SPECC1: variants seen among roughly 807,000 people sequenced by gnomAD.
SPECC1 encodes the protein sperm antigen with calponin homology and coiled-coil domains 1, also known as cytospin-B.
SPECC1 carries 62 observed loss-of-function variants against 104.1 expected under a neutral mutation model. That is an observed-to-expected ratio of 0.60 (90% CI 0.49 to 0.74). The LOEUF is 0.74. SPECC1 is among the 30% of genes least tolerant of loss of function. SPECC1 has a pLI of 0.00. For synonymous variants in SPECC1, 513 were observed against 501.6 expected (o/e 1.02, Z -0.30); for missense variants, 1,306 against 1,310.5 (o/e 1.00, Z 0.05).
At chr17:20,294,524 T>C (rs1312891960) in intron 12 of SPECC1, among the ~76,000 whole-genome samples, 3 of 152,186 alleles carry the variant, frequency 2.0e-5, no homozygotes. Flanking sequence ...TAAGACCTTC[T>C]CATCTTGGTC....
chr17:20,297,809 G>A (rs1024004962), intron 13 of SPECC1, among the ~76,000 whole-genome samples: 1 of 152,178 alleles, frequency 6.6e-6, no homozygotes, highest in Non-Finnish European at 1.5e-5. Flanking sequence ...ACTGTGCTGG[G>A]TCCCGCTGTT....
chr17:20,286,234 T>C (rs975742106), intron 12 of SPECC1, among the ~76,000 whole-genome samples: 3 of 152,260 alleles, frequency 2.0e-5, no homozygotes, highest in African/African-American at 7.2e-5. Flanking sequence ...CAGCTTCCAC[T>C]CAAGGATAAC....
rs370760654 is a variant in SPECC1 at position 20,235,480 on chromosome 17, G to A, written c.2351+3075G>A. On this transcript the variant is annotated intron_variant, in intron 7 of 14. Transcript: ENST00000395527. ...ACCCGTCACATCTTTTTCCTGAAAA[G>A]TTGAGTCCTGGGACCTGGCAAAAAC... Among the ~76,000 whole-genome samples, 40 of 152,314 alleles carry A rather than the reference G, an allele frequency of 2.6e-4. No individual in the cohort carries two copies. The East Asian group carries it at 5.4e-3, about 21-fold the overall frequency.
intron 3 of SPECC1, among the ~76,000 whole-genome samples, chr17:20,168,373 T>TA (rs2033828710): frequency 6.6e-6 from 1 of 152,220 alleles, no homozygotes; most frequent in Non-Finnish European, 1.5e-5. Context: ...CATCATACTG[T>TA]ATGTCAGTAA....
At position 20,034,166 on chromosome 17, in the gene SPECC1, C is replaced by T. The variant is rs139337168; in HGVS notation, c.-22+24742C>T. 9.9e-3 allele frequency among the ~76,000 whole-genome samples: 1,507 copies of T among 151,604 alleles called. 28 individuals carry two copies. The highest frequency in any genetic ancestry group is 0.034 in the African/African-American group (1,395 of 41,306). ...AGGCTGGAGTGCAGTGGCACAATCTCGGCTCACTGCAACTTCCACCTCCCA... is the reference window on the plus strand; with the variant it reads ...AGGCTGGAGTGCAGTGGCACAATCTTGGCTCACTGCAACTTCCACCTCCCA... On this transcript the variant is annotated intron_variant, in intron 1 of 14. Coordinates refer to ENST00000395527, the MANE Select transcript of SPECC1 (RefSeq NM_001243439.2).
At chr17:20,085,104 G>A (rs1298579962) in intron 1 of SPECC1, among the ~76,000 whole-genome samples, 2 of 152,216 alleles carry the variant, frequency 1.3e-5, no homozygotes, top group African/African-American at 4.8e-5. Context: ...CCTGGAGGCT[G>A]GATGATAGAA....
At chr17:20,061,320 C>T (rs2046176727) in intron 1 of SPECC1, among the ~76,000 whole-genome samples, 1 of 152,234 alleles carries the variant, frequency 6.6e-6, no homozygotes, top group Non-Finnish European at 1.5e-5. Context: ...GACCCACTCA[C>T]CTCGGCCTCC....
intron 3 of SPECC1, chr17:20,156,069 G>A: frequency 2.3e-6 from 3 of 1,319,644 alleles, no homozygotes; most frequent in Non-Finnish European, 2.9e-6. Flanking sequence ...GAAGGCGCCC[G>A]GTCCTTTCTT....
intron 3 of SPECC1, among the ~76,000 whole-genome samples, chr17:20,182,414 C>G (rs1206916795): frequency 1.3e-5 from 2 of 152,144 alleles, no homozygotes; most frequent in Non-Finnish European, 2.9e-5. Context: ...CCACGCCCAA[C>G]CTCTTCAATT....
At chr17:20,017,753 T>G (rs921812983) in intron 1 of SPECC1, 1 of 152,272 alleles carries the variant, frequency 6.6e-6, no homozygotes, top group African/African-American at 2.4e-5. Flanking sequence ...GTGTTTTTAT[T>G]TCTTGGTATA....
At chr17:20,166,861 A>C (rs2033691832) in intron 3 of SPECC1, among the ~76,000 whole-genome samples, 2 of 151,956 alleles carry the variant, frequency 1.3e-5, no homozygotes, top group Admixed American at 6.6e-5. Context: ...AAATGTCAAC[A>C]CTTTGGGAGG....
At chr17:20,089,844 G>C (rs936671681) in intron 1 of SPECC1, among the ~76,000 whole-genome samples, 2 of 152,164 alleles carry the variant, frequency 1.3e-5, no homozygotes, top group Non-Finnish European at 2.9e-5. Flanking sequence ...TGAGAAATGG[G>C]CGCCCTAGAG....
intron 3 of SPECC1, among the ~76,000 whole-genome samples, chr17:20,117,723 A>G (rs966660890): frequency 9.4e-5 from 14 of 149,446 alleles, no homozygotes; most frequent in Non-Finnish European, 1.6e-4. Flanking sequence ...AAAAAAAAAG[A>G]AAAGGAAAAA....
intron 3 of SPECC1, among the ~76,000 whole-genome samples, chr17:20,135,809 G>T (rs1343618557): frequency 6.6e-6 from 1 of 152,134 alleles, no homozygotes; most frequent in African/African-American, 2.4e-5. Flanking sequence ...CATGTGTGGG[G>T]GACCAGAAGA....
chr17:20,248,039 A>G (rs1329007459), intron 9 of SPECC1, among the ~76,000 whole-genome samples: 1 of 152,170 alleles, frequency 6.6e-6, no homozygotes, highest in South Asian at 2.1e-4. Context: ...TGCTACCAAG[A>G]TCTAGGATCA....
chr17:20,296,906 T>C, intron 12 of SPECC1, 55 bp from the exon 13 acceptor site: 1 of 1,504,836 alleles, frequency 6.6e-7, no homozygotes, highest in Non-Finnish European at 9.2e-7. Context: ...TCCTCATCTG[T>C]GATACTGCAC....
chr17:20,208,469 C>G (rs568292747), intron 4 of SPECC1, among the ~76,000 whole-genome samples: 20 of 152,334 alleles, frequency 1.3e-4, no homozygotes, highest in Admixed American at 1.3e-3. Flanking sequence ...CACAGACTAT[C>G]AAGTAATCTG....
chr17:20,168,917 G>A (rs1031346197), intron 3 of SPECC1, among the ~76,000 whole-genome samples: 1 of 152,162 alleles, frequency 6.6e-6, no homozygotes, highest in African/African-American at 2.4e-5. Context: ...CTGTCATCCA[G>A]GCTGGAGTAC....
intron 1 of SPECC1, among the ~76,000 whole-genome samples, chr17:20,070,979 G>C (rs145942783): frequency 1.7e-3 from 262 of 151,912 alleles, no homozygotes; most frequent in African/African-American, 6.0e-3. Context: ...AATTTTTCAA[G>C]ACAAAATTTC....
Sources: gnomAD v4.1 joint callset for allele counts (sites outside exome capture counted in the v4.1 genomes callset) on GRCh38, gnomAD v4.1.1 for gene constraint, MANE v1.5 for transcripts, NCBI Gene and HGNC (gene_info 2026-07-23, HGNC 2026-07-21) for gene names.